The following MYO3B variants were observed in gnomAD, a reference collection of about 807,000 sequenced individuals.
MYO3B encodes the protein myosin-IIIb.
Under a neutral mutation model 174.6 loss-of-function variants are expected in MYO3B, and 156 were observed. The observed-to-expected ratio is 0.89, with a 90% confidence interval of 0.78 to 1.02. The LOEUF is 1.02. Among genes scored for constraint, MYO3B ranks in the 50% least tolerant of loss-of-function variants. MYO3B has a pLI of 0.00. For missense variants in MYO3B, 1,632 were observed against 1,639.4 expected (o/e 1.00, Z 0.08); for synonymous variants, 563 against 569.1 (o/e 0.99, Z 0.15).
At chr2:170,431,994 T>C (rs1476018993) in intron 22 of MYO3B, among the ~76,000 whole-genome samples, 1 of 152,388 alleles carries the variant, frequency 6.6e-6, no homozygotes, top group East Asian at 1.9e-4. Context: ...GATGCTGATA[T>C]AATAAGCCTA....
At chr2:170,632,679 A>G (rs993020058) in intron 32 of MYO3B, among the ~76,000 whole-genome samples, 1 of 152,204 alleles carries the variant, frequency 6.6e-6, no homozygotes, top group South Asian at 2.1e-4. Context: ...CTTCAAAAAA[A>G]CCAACGAATC....
chr2:170,361,386 C>G (rs2094159878), intron 8 of MYO3B, among the ~76,000 whole-genome samples: 1 of 152,032 alleles, frequency 6.6e-6, no homozygotes, highest in Non-Finnish European at 1.5e-5. Flanking sequence ...AAAACTCAAC[C>G]AAAGAAAAAA....
intron 22 of MYO3B, among the ~76,000 whole-genome samples, chr2:170,411,061 A>T (rs191147957): frequency 1.3e-5 from 2 of 152,170 alleles, no homozygotes; most frequent in East Asian, 3.9e-4. Context: ...GCAAAGAAAA[A>T]CTTTAATTTC....
At chr2:170,624,597 A>T (rs1184110366) in intron 32 of MYO3B, among the ~76,000 whole-genome samples, 1 of 152,044 alleles carries the variant, frequency 6.6e-6, no homozygotes, top group Non-Finnish European at 1.5e-5. Flanking sequence ...AACTTCCAAC[A>T]CTATGTTGGA....
chr2:170,494,038 A>G (rs1464071488), intron 25 of MYO3B, among the ~76,000 whole-genome samples: 2 of 152,264 alleles, frequency 1.3e-5, no homozygotes, highest in Non-Finnish European at 2.9e-5. Flanking sequence ...CCTGACCCTC[A>G]GAAACTGTGT....
chr2:170,315,947 T>C lies in MYO3B; in HGVS notation c.750-19438T>C, dbSNP rs117506034. Among the ~76,000 whole-genome samples, 704 of 152,328 alleles carry C rather than the reference T, an allele frequency of 4.6e-3. 7 individuals carry two copies. The highest frequency in any genetic ancestry group is 0.036 in the East Asian group (186 of 5,186). On this transcript the variant is annotated intron_variant, in intron 7 of 34. Coordinates refer to ENST00000408978, the MANE Select transcript of MYO3B (RefSeq NM_138995.5). ...TATCTGGAAAAAATCACATTCTTTGTCTCCTAGGATCTAGGCAGATCAATG... is the reference window on the plus strand; with the variant it reads ...TATCTGGAAAAAATCACATTCTTTGCCTCCTAGGATCTAGGCAGATCAATG...
At chr2:170,309,942 G>A (rs1352966794) in intron 7 of MYO3B, among the ~76,000 whole-genome samples, 4 of 152,020 alleles carry the variant, frequency 2.6e-5, no homozygotes, top group Non-Finnish European at 5.9e-5. Context: ...CCAGACCCTG[G>A]TAACTATCAA....
chr2:170,430,060 TG>T (rs5836279), intron 22 of MYO3B, among the ~76,000 whole-genome samples: 156 of 151,928 alleles, frequency 1.0e-3, no homozygotes, highest in African/African-American at 3.7e-3. Context: ...CAATATTGGT[TG>T]GATGCAAAAC....
intron 7 of MYO3B, among the ~76,000 whole-genome samples, chr2:170,261,478 C>T (rs1002064361): frequency 7.2e-5 from 11 of 152,314 alleles, no homozygotes; most frequent in African/African-American, 2.6e-4. Context: ...GATCCCGTCA[C>T]CAGATTGAGG....
chr2:170,264,717 T>C (rs1365056188), intron 7 of MYO3B, among the ~76,000 whole-genome samples: 2 of 152,222 alleles, frequency 1.3e-5, no homozygotes, highest in African/African-American at 4.8e-5. Flanking sequence ...ATAGCTACTA[T>C]TATTACTACT....
intron 3 of MYO3B, 106 bp downstream of exon 3, chr2:170,200,390 TC>T: frequency 7.7e-7 from 1 of 1,295,420 alleles, no homozygotes; most frequent in African/African-American, 1.5e-5. Flanking sequence ...GAGGAGTAGG[TC>T]CCTCCTGCAT....
At chr2:170,204,423 T>C (rs181662826) in intron 3 of MYO3B, among the ~76,000 whole-genome samples, 24 of 152,290 alleles carry the variant, frequency 1.6e-4, no homozygotes, top group African/African-American at 5.1e-4. Context: ...TACTTGAACG[T>C]TGGAGCCTAG....
chr2:170,226,630 G>A lies in MYO3B; in HGVS notation c.603+9235G>A, dbSNP rs562249678. Among the ~76,000 whole-genome samples the A allele has an allele frequency of 5.3e-5, 8 of 152,296 alleles. No individual in the cohort carries two copies. In the South Asian group the frequency reaches 1.7e-3, roughly 32 times the overall value. ...TATGTCAGTGTGGAGGCGGGGGGCT[G>A]ATTCTGGAGGAGGTGGTGATATGTT... On this transcript the variant is annotated intron_variant, in intron 6 of 34. Transcript: ENST00000408978.
At chr2:170,557,349 C>T (rs574841463) in intron 32 of MYO3B, among the ~76,000 whole-genome samples, 1 of 151,822 alleles carries the variant, frequency 6.6e-6, no homozygotes, top group Non-Finnish European at 1.5e-5. Context: ...CTGTGTTAGC[C>T]AGGATGGTCT....
intron 7 of MYO3B, among the ~76,000 whole-genome samples, chr2:170,326,189 A>G (rs1027854406): frequency 6.6e-6 from 1 of 150,856 alleles, no homozygotes; most frequent in African/African-American, 2.4e-5. Context: ...TACATCTCTC[A>G]TTAGACACAC....
chr2:170,371,216 TAA>T (rs56689548), intron 9 of MYO3B, among the ~76,000 whole-genome samples: 24,364 of 89,734 alleles, frequency 0.27, 2,674 homozygotes, highest in East Asian at 0.34. Context: ...AGACAGTGTC[TAA>T]AAAAAAAAAA....
chr2:170,212,204 C>T (rs1043835333), intron 3 of MYO3B, among the ~76,000 whole-genome samples: 4 of 151,152 alleles, frequency 2.6e-5, no homozygotes, highest in African/African-American at 9.8e-5. Context: ...GATGGCGCCA[C>T]TGCACTCCAG....
At chr2:170,423,812 T>C (rs1452735742) in intron 22 of MYO3B, among the ~76,000 whole-genome samples, 1 of 152,024 alleles carries the variant, frequency 6.6e-6, no homozygotes, top group Non-Finnish European at 1.5e-5. Context: ...GTCTCTTTAC[T>C]TCGTGATCCG....
At chr2:170,463,566 G>T (rs1299619805) in intron 24 of MYO3B, 121 bp downstream of exon 24, 3 of 851,696 alleles carry the variant, frequency 3.5e-6, no homozygotes, top group African/African-American at 3.4e-5. Flanking sequence ...AGAAAGATTG[G>T]GTTGGGGAAG....
Sources: allele counts gnomAD v4.1 joint callset (sites outside exome capture counted in the v4.1 genomes callset), GRCh38; gene constraint gnomAD v4.1.1; transcripts MANE v1.5; gene names NCBI Gene and HGNC (gene_info 2026-07-23, HGNC 2026-07-21).